Variants in CRB1 observed in about 807,000 individuals in gnomAD.
The protein encoded by CRB1 is protein crumbs homolog 1.
A neutral mutation model predicts 120.0 loss-of-function variants in CRB1; 83 were observed. The ratio of observed to expected loss-of-function variants is 0.69; its 90% CI spans 0.58 to 0.83. CRB1 has a LOEUF of 0.83. Among genes scored for constraint, CRB1 ranks in the 40% least tolerant of loss-of-function variants. The pLI is 0.00. For missense variants in CRB1, 1,699 were observed against 1,687.6 expected (o/e 1.01, Z -0.12); for synonymous variants, 625 against 612.5 (o/e 1.02, Z -0.30).
At chr1:197,237,036 GAA>G in the CRB1 span, among the ~76,000 whole-genome samples, 20 of 151,428 alleles carry the variant, frequency 1.3e-4, no homozygotes, top group African/African-American at 4.6e-4. Context: ...GCTAACCTCG[GAA>G]TGAGTCTGCA....
the CRB1 span, among the ~76,000 whole-genome samples, chr1:197,226,265 T>C: frequency 3.9e-5 from 6 of 152,238 alleles, no homozygotes; most frequent in African/African-American, 1.4e-4. Context: ...GAACTTTGAA[T>C]ATGTTATTAA....
intron 5 of CRB1, among the ~76,000 whole-genome samples, chr1:197,368,937 G>T (rs1180869224): frequency 1.3e-5 from 2 of 152,216 alleles, no homozygotes; most frequent in Non-Finnish European, 1.5e-5. Flanking sequence ...TGATGAGAGA[G>T]ATGTGGGCCT....
the CRB1 span, among the ~76,000 whole-genome samples, chr1:197,259,634 C>G: frequency 2.0e-5 from 3 of 152,096 alleles, no homozygotes; most frequent in African/African-American, 7.2e-5. Flanking sequence ...CCATGACATA[C>G]GTGTACCTGT....
chr1:197,271,432 C>A (rs1654904202), intron 1 of CRB1, among the ~76,000 whole-genome samples: 1 of 152,094 alleles, frequency 6.6e-6, no homozygotes, highest in Admixed American at 6.6e-5. Context: ...GGACATGTGA[C>A]ATGAGGAATA....
intron 5 of CRB1, among the ~76,000 whole-genome samples, chr1:197,364,506 A>T (rs1029872644): frequency 2.0e-5 from 3 of 151,952 alleles, no homozygotes; most frequent in African/African-American, 7.3e-5. Context: ...CACTTCTGGG[A>T]CTCTAATCAT....
chr1:197,289,882 TTACA>T (rs1419666093), intron 1 of CRB1, among the ~76,000 whole-genome samples: 1 of 151,588 alleles, frequency 6.6e-6, no homozygotes, highest in African/African-American at 2.4e-5. Context: ...GATATATATC[TTACA>T]TAGTTATATA....
intron 5 of CRB1, among the ~76,000 whole-genome samples, chr1:197,415,844 G>A (rs967193636): frequency 2.0e-5 from 3 of 151,610 alleles, no homozygotes; most frequent in Non-Finnish European, 4.4e-5. Flanking sequence ...GGGTTTCACC[G>A]TGTTAGCCAG....
the CRB1 span, among the ~76,000 whole-genome samples, chr1:197,221,515 C>G: frequency 1.3e-5 from 2 of 152,122 alleles, no homozygotes; most frequent in Admixed American, 1.3e-4. Flanking sequence ...AATAATTTTA[C>G]TAGCAGTCAT....
chr1:197,465,747 C>T (rs747600430), intron 11 of CRB1, among the ~76,000 whole-genome samples: 2 of 151,974 alleles, frequency 1.3e-5, no homozygotes, highest in Non-Finnish European at 2.9e-5. Flanking sequence ...AGGCAGAGTT[C>T]GAAACTGAAA....
In CRB1 at chr1:197,317,167, C is replaced by T. The variant is rs148842035; in HGVS notation, c.71-11255C>T. ...GCACGGTGGCTCACGCCTGTAATCC[C>T]AGCACTTTGGGAGGCCAAGGTGGGT... On this transcript the variant is annotated intron_variant, in intron 1 of 11. Transcript: ENST00000367400. 5.6e-3 allele frequency among the ~76,000 whole-genome samples: 859 copies of T among 152,246 alleles called. 9 individuals are homozygous for T. The highest frequency in any genetic ancestry group is 0.019 in the African/African-American group (780 of 41,538).
chr1:197,451,173 T>C (rs980354848), intron 11 of CRB1, among the ~76,000 whole-genome samples: 1 of 152,170 alleles, frequency 6.6e-6, no homozygotes, highest in African/African-American at 2.4e-5. Flanking sequence ...AGAGAATACT[T>C]AAGCACTGAT....
chr1:197,339,588 T>C (rs1313097899), intron 2 of CRB1, among the ~76,000 whole-genome samples: 1 of 152,192 alleles, frequency 6.6e-6, no homozygotes, highest in Non-Finnish European at 1.5e-5. Flanking sequence ...GCATTCAGAA[T>C]GGTTTATCAA....
At chr1:197,471,298 CT>C (rs1413999597) in intron 11 of CRB1, among the ~76,000 whole-genome samples, 1 of 152,164 alleles carries the variant, frequency 6.6e-6, no homozygotes, top group African/African-American at 2.4e-5. Flanking sequence ...TGGATTCCTT[CT>C]TTTTCCAGCA....
upstream of CRB1, among the ~76,000 whole-genome samples, chr1:197,266,765 A>G (rs550282657): frequency 6.6e-6 from 1 of 152,052 alleles, no homozygotes; most frequent in East Asian, 1.9e-4. Context: ...TGTTTCTTTG[A>G]TTGTGACACT....
the CRB1 span, chr1:197,223,305 G>A: frequency 4.3e-6 from 3 of 691,082 alleles, no homozygotes; most frequent in Non-Finnish European, 5.1e-6. Flanking sequence ...TGGCTGTTTT[G>A]TTAAAATATA....
chr1:197,439,060 A>G (rs1035539067), intron 10 of CRB1: 2 of 274,324 alleles, frequency 7.3e-6, no homozygotes, highest in African/African-American at 2.2e-5. Flanking sequence ...CCTACAACCC[A>G]AAAGTATATA....
At chr1:197,374,875 A>G (rs577497420) in intron 5 of CRB1, among the ~76,000 whole-genome samples, 48 of 152,276 alleles carry the variant, frequency 3.2e-4, no homozygotes, top group African/African-American at 1.1e-3. Flanking sequence ...CCCTATTGTC[A>G]TAATAATGTT....
the CRB1 span, among the ~76,000 whole-genome samples, chr1:197,218,185 A>C: frequency 2.0e-5 from 3 of 152,322 alleles, no homozygotes; most frequent in Admixed American, 1.3e-4. Context: ...CTTGCCACCT[A>C]TGCCGGGCAA....
chr1:197,420,200 C>A (rs1328686432), intron 5 of CRB1, among the ~76,000 whole-genome samples: 1 of 152,076 alleles, frequency 6.6e-6, no homozygotes, highest in Non-Finnish European at 1.5e-5. Flanking sequence ...ACGCATATGT[C>A]TGTTCTTATT....
Sources: allele counts gnomAD v4.1 joint callset (sites outside exome capture counted in the v4.1 genomes callset), GRCh38; gene constraint gnomAD v4.1.1; transcripts MANE v1.5; gene names NCBI Gene and HGNC (gene_info 2026-07-23, HGNC 2026-07-21).